Variants in OGDHL observed in about 807,000 individuals in gnomAD.
OGDHL encodes 2-oxoglutarate dehydrogenase-like, mitochondrial.
A neutral mutation model predicts 109.6 loss-of-function variants in OGDHL; 79 were observed. The observed-to-expected ratio is 0.72, with a 90% CI of 0.60 to 0.87. The LOEUF (loss-of-function observed/expected upper bound fraction) is 0.87. Ranked by LOEUF, OGDHL falls within the 40% of genes least tolerant of loss-of-function variation. OGDHL has a pLI of 0.00. For synonymous variants in OGDHL, 528 were observed against 537.2 expected, an observed-to-expected ratio of 0.98 and a Z score of 0.24; for missense variants, 1,275 against 1,362.2, an observed-to-expected ratio of 0.94 and a Z score of 1.01.
chr10:49,751,746 C>G, intron 6 of OGDHL, 81 bp downstream of exon 6: 1 of 1,528,712 alleles, frequency 6.5e-7, no homozygotes, highest in Non-Finnish European at 8.8e-7. Context: ...TACCCTCCTG[C>G]TCTCTTAGGC....
At chr10:49,743,204 T>A (rs1347938568) in intron 14 of OGDHL, among the ~76,000 whole-genome samples, 1 of 152,224 alleles carries the variant, frequency 6.6e-6, no homozygotes. Flanking sequence ...TTGGCAAGCA[T>A]TGGCCACGTT....
At chr10:49,748,975 G>A (rs1278515213) in intron 8 of OGDHL, among the ~76,000 whole-genome samples, 5 of 152,274 alleles carry the variant, frequency 3.3e-5, no homozygotes, top group East Asian at 1.9e-4. Context: ...TTGGGAGGCC[G>A]AGGCAGGCAG....
chr10:49,738,296 C>T, intron 17 of OGDHL, 34 bp from the exon 18 acceptor site: 1 of 1,610,532 alleles, frequency 6.2e-7, no homozygotes, highest in Non-Finnish European at 8.5e-7. Flanking sequence ...AAGGCTGGAC[C>T]CCACCATGGG....
rs998210187 is a variant in OGDHL at position 49,752,390 on chromosome 10, G to T, written c.479-142C>A. 6.9e-6 allele frequency: 5 copies of T among 725,826 alleles called. No individual in the cohort carries two copies. The Admixed American group carries it at 1.1e-4, about 15-fold the overall frequency. The allele number at this position is 725,826 out of a possible 1,614,324, so 45.0% of individuals were successfully genotyped here. A position where few individuals can be genotyped will look rare whatever the true frequency, so the allele number is the denominator to read the frequency against. ...GGTCCAACCTGGGGAGCAGAAGTGAGAGTGAGCCCAGGGAGGCAGGGTGGA... is the reference window on the plus strand; with the variant it reads ...GGTCCAACCTGGGGAGCAGAAGTGATAGTGAGCCCAGGGAGGCAGGGTGGA... On this transcript the variant is annotated intron_variant, in intron 4 of 22. Coordinates refer to ENST00000374103, the MANE Select transcript of OGDHL (RefSeq NM_018245.3).
intron 7 of OGDHL, among the ~76,000 whole-genome samples, chr10:49,750,467 G>C (rs115959272): frequency 1.3e-5 from 2 of 152,078 alleles, no homozygotes; most frequent in African/African-American, 4.8e-5. Context: ...GACACAACCC[G>C]GGAACAACTG....
Position 49,736,339 on chromosome 10 carries a change from C to G in OGDHL, c.2754+18G>C. 6.2e-7 allele frequency: 1 copy of G among 1,613,944 alleles called. No homozygotes were observed. Among genetic ancestry groups the G allele is most frequent in the Non-Finnish European group, 8.5e-7 (1 of 1,179,904 alleles). On this transcript the variant is annotated intron_variant, in intron 21 of 22. Coordinates refer to ENST00000374103, the MANE Select transcript of OGDHL (RefSeq NM_018245.3). Reference sequence around the variant, plus strand: ...TGAGCTTGCCCATCACTTGACTGTACAAGGGGTTCAGGCACACCTGCTCCA... The same window carrying G: ...TGAGCTTGCCCATCACTTGACTGTAGAAGGGGTTCAGGCACACCTGCTCCA...
intron 6 of OGDHL, among the ~76,000 whole-genome samples, chr10:49,751,219 T>G (rs541181199): frequency 3.9e-5 from 6 of 152,234 alleles, no homozygotes; most frequent in Admixed American, 1.3e-4. Flanking sequence ...CAAACGCCTC[T>G]GCCTACACCC....
chr10:49,736,455 G>A lies in OGDHL; in HGVS notation c.2656C>T (p.Arg886Trp), dbSNP rs773461457. The stretch of plus-strand genomic sequence containing the variant: ...ACCTTTCCCGTGCAGAAGATGAGCC[G>A]CTGCACCTGCTCAGGGGCCCGTGCT... ...AAARAPEQVQ[R>W]LIFCTGKVYY... Residue 886 changes from arginine (R) to tryptophan (W), a missense_variant, in exon 21 of 23, where the codon CGG (arginine) becomes TGG (tryptophan). Transcript: ENST00000374103. The A allele has an allele frequency of 6.8e-6, 11 of 1,613,858 alleles. No homozygotes were observed. Among genetic ancestry groups the A allele is most frequent in the African/African-American group, 2.7e-5 (2 of 74,920 alleles).
At position 49,739,723 on chromosome 10, in the gene OGDHL, G is replaced by A. The variant is rs781154312; in HGVS notation, c.2257C>T (p.Gln753Ter). ...CIIDQFISTG[Q>*]AKWVRHNGIV... ...CCATTATGCCGCACCCACTTGGCCT[G>A]GCCGGTGCTGATGAACTGGTCGATG... The change falls in exon 17 of 23, where the codon CAG (glutamine) becomes TAG (stop). Residue 753 changes from glutamine to a stop codon, truncating the protein, a stop_gained. Transcript: ENST00000374103. LOFTEE classifies it high-confidence loss of function. The A allele has an allele frequency of 6.6e-5, 106 of 1,614,064 alleles. No individual in the cohort carries two copies. Among genetic ancestry groups the A allele is most frequent in the Non-Finnish European group, 8.8e-5 (104 of 1,180,010 alleles).
chr10:49,754,328 T>G (rs943891515), intron 3 of OGDHL, among the ~76,000 whole-genome samples: 5 of 152,216 alleles, frequency 3.3e-5, no homozygotes, highest in African/African-American at 9.7e-5. Flanking sequence ...TCATCAAATA[T>G]GTTTATATTC....
At position 49,753,844 on chromosome 10, in the gene OGDHL, C is replaced by T. The variant is rs140301213; in HGVS notation, c.376-1104G>A. On this transcript the variant is annotated intron_variant, in intron 3 of 22. Coordinates refer to ENST00000374103, the MANE Select transcript of OGDHL (RefSeq NM_018245.3). ...AGTGGAGGCTGCAGTGAGCTGAGGT[C>T]GCACCACTGCGCTCTAGCCTGGGCT... 3.1e-4 allele frequency among the ~76,000 whole-genome samples: 45 copies of T among 145,248 alleles called. No homozygotes were observed. The East Asian group carries it at 4.4e-3, about 14-fold the overall frequency.
Position 49,736,077 on chromosome 10 carries a change from T to C in OGDHL, c.2855A>G (p.Tyr952Cys), listed in dbSNP as rs992224830. 1 of 1,611,372 alleles carries C rather than the reference T, an allele frequency of 6.2e-7. No individual in the cohort carries two copies. The highest frequency in any genetic ancestry group is 8.5e-7 in the Non-Finnish European group (1 of 1,178,588). ...CATGAAGCGTGGGCTGATGTAGTCA[T>C]AGTAGCCCATGTTCTTGTGCTCCTC... The part of the protein sequence containing the change: ...CQEEHKNMGY[Y>C]DYISPRFMTI... The change falls in exon 22 of 23, where the codon TAT (tyrosine) becomes TGT (cysteine). Residue 952 changes from tyrosine to cysteine, a missense_variant. Physicochemically the swap from Tyr to Cys is radical, Grantham distance 194. Transcript: ENST00000374103.
In OGDHL at chr10:49,740,001, C is replaced by A. The variant is rs35514103; in HGVS notation, c.2141-162G>T. On this transcript the variant is annotated intron_variant, in intron 16 of 22. Coordinates refer to ENST00000374103, the MANE Select transcript of OGDHL (RefSeq NM_018245.3). ...CCTGGGATTCAAAGGGTACAATGTA[C>A]CATCCTGGGGGCTGACAACATGCTC... 1.0e-3 allele frequency among the ~76,000 whole-genome samples: 152 copies of A among 152,284 alleles called. 1 individual carries two copies. The highest frequency in any genetic ancestry group is 1.1e-3 in the Non-Finnish European group (75 of 68,016).
At chr10:49,735,958 A>G in intron 22 of OGDHL, 65 bp downstream of exon 22, 3 of 1,495,232 alleles carry the variant, frequency 2.0e-6, no homozygotes, top group Non-Finnish European at 2.7e-6. Context: ...GGCCTATGGG[A>G]CAGATGGAGC....
chr10:49,762,003 C>G (rs1843320084), intron 1 of OGDHL, among the ~76,000 whole-genome samples: 1 of 152,166 alleles, frequency 6.6e-6, no homozygotes, highest in Non-Finnish European at 1.5e-5. Context: ...GGACCCTGGA[C>G]TAGCCGGGTG....
Position 49,750,925 on chromosome 10 carries a change from A to C in OGDHL, c.810T>G (p.Cys270Trp). The C allele has an allele frequency of 1.9e-6, 3 of 1,612,156 alleles. No individual in the cohort carries two copies. Among genetic ancestry groups the C allele is most frequent in the Non-Finnish European group, 2.5e-6 (3 of 1,179,040 alleles). ...TCTTGAGGGCAGGAATCATCACTTC[A>C]CAGCCCTCCAGGCCAAACCGCTTCT... ...SSEKRFGLEG[C>W]EVMIPALKTI... The change falls in exon 7 of 23, where the codon TGT (cysteine) becomes TGG (tryptophan). Residue 270 changes from cysteine (C) to tryptophan (W), a missense_variant. Physicochemically the swap from Cys to Trp is radical, Grantham distance 215. Transcript: ENST00000374103.
chr10:49,761,852 C>CGCCAGGG (rs1843307744), intron 1 of OGDHL, among the ~76,000 whole-genome samples: 1 of 152,218 alleles, frequency 6.6e-6, no homozygotes, highest in South Asian at 2.1e-4. Flanking sequence ...CTATGGGTCC[C>CGCCAGGG]GCCAGGTGCA....
At chr10:49,752,536 G>T in intron 4 of OGDHL, 102 bp downstream of exon 4, 1 of 1,018,074 alleles carries the variant, frequency 9.8e-7, no homozygotes, top group Non-Finnish European at 1.6e-6. Context: ...TGCTCCCCGA[G>T]CTCCATGGAT....
chr10:49,751,500 T>C (rs1842585752), intron 6 of OGDHL, among the ~76,000 whole-genome samples: 1 of 152,170 alleles, frequency 6.6e-6, no homozygotes, highest in Non-Finnish European at 1.5e-5. Flanking sequence ...ACAGGTGGTG[T>C]GGCCACAGTC....
Sources: allele counts gnomAD v4.1 joint callset (sites outside exome capture counted in the v4.1 genomes callset), GRCh38; gene constraint gnomAD v4.1.1; transcripts MANE v1.5; gene names NCBI Gene and HGNC (gene_info 2026-07-23, HGNC 2026-07-21).